Variants in GSE1 observed in about 807,000 individuals in gnomAD.
GSE1 encodes the protein genetic suppressor element 1.
GSE1 carries 32 observed loss-of-function variants against 112.6 expected under a neutral mutation model. The ratio of observed to expected loss-of-function variants is 0.28; its 90% CI spans 0.21 to 0.38. GSE1 has a LOEUF of 0.38. Among genes scored for constraint, GSE1 ranks in the 10% least tolerant of loss-of-function variants. GSE1 has a pLI of 1.00. For synonymous variants in GSE1, 1,115 were observed against 735.6 expected (o/e 1.52, Z -8.35); for missense variants, 2,348 against 1,699.2 (o/e 1.38, Z -6.71).
At chr16:85,283,356 G>A (rs971045070) in intron 1 of GSE1, 1 of 152,802 alleles carries the variant, frequency 6.5e-6, no homozygotes, top group Non-Finnish European at 1.5e-5. Context: ...CGGAGAGTGG[G>A]TGCCAACCCC....
Position 85,628,511 on chromosome 16 carries a change from T to C in GSE1, c.8-5403T>C, listed in dbSNP as rs1225695034. Among the ~76,000 whole-genome samples the C allele has an allele frequency of 2.0e-5, 3 of 151,780 alleles. No homozygotes were observed. The East Asian group carries it at 5.8e-4, about 30-fold the overall frequency. ...ACTGAGGTAGCCTCAGACCCAGGCATTGGAGGGAGCAGGCAGAGGGCCTCC... is the reference window on the plus strand; with the variant it reads ...ACTGAGGTAGCCTCAGACCCAGGCACTGGAGGGAGCAGGCAGAGGGCCTCC... On this transcript the variant is annotated intron_variant, in intron 1 of 15. Coordinates refer to ENST00000253458, the MANE Select transcript of GSE1 (RefSeq NM_014615.5).
chr16:85,471,189 C>G (rs919142654), intron 2 of GSE1, among the ~76,000 whole-genome samples: 1 of 152,216 alleles, frequency 6.6e-6, no homozygotes, highest in African/African-American at 2.4e-5. Context: ...CCCTGCTGCC[C>G]TGAAGAAGAG....
upstream of GSE1, among the ~76,000 whole-genome samples, chr16:85,552,820 CT>C (rs2044992985): frequency 6.6e-6 from 1 of 152,248 alleles, no homozygotes; most frequent in South Asian, 2.1e-4. Flanking sequence ...GCACCCCTCC[CT>C]CTGTACCATG....
In GSE1 at chr16:85,633,956, C is replaced by T; in HGVS notation, c.50C>T (p.Ser17Phe). 1 of 1,613,104 alleles carries T rather than the reference C, an allele frequency of 6.2e-7. No individual in the cohort carries two copies. The highest frequency in any genetic ancestry group is 1.7e-5 in the Admixed American group (1 of 59,970). Residue 17 changes from serine to phenylalanine, a missense_variant, in exon 2 of 16, where the codon TCC becomes TTC. Transcript: ENST00000253458. Reference protein sequence around the residue: ...EPKSPSLGMLSTATRTTATVN... With the variant: ...EPKSPSLGMLFTATRTTATVN... ...AAGTCCCCTTCGCTAGGGATGCTTT[C>T]CACCGCGACCAGGACCACCGCCACC...
intron 1 of GSE1, among the ~76,000 whole-genome samples, chr16:85,174,906 C>T (rs928836318): frequency 6.6e-6 from 1 of 152,152 alleles, no homozygotes; most frequent in African/African-American, 2.4e-5. Context: ...TCCTCACGTG[C>T]ATCTTCCCAT....
intron 1 of GSE1, among the ~76,000 whole-genome samples, chr16:85,350,160 G>A (rs142434639): frequency 1.7e-3 from 256 of 152,302 alleles, no homozygotes; most frequent in Non-Finnish European, 2.9e-3. Context: ...AGGTACTCGG[G>A]ACAAGTAAGG....
chr16:85,671,920 G>C (rs537996926), intron 15 of GSE1: 2 of 161,516 alleles, frequency 1.2e-5, no homozygotes, highest in Non-Finnish European at 2.7e-5. Context: ...CAAGAACTCC[G>C]AGTTTGAGCC....
At chr16:85,178,510 T>C (rs549284684) in intron 1 of GSE1, among the ~76,000 whole-genome samples, 5 of 152,132 alleles carry the variant, frequency 3.3e-5, no homozygotes, top group African/African-American at 1.2e-4. Flanking sequence ...AATCAGGATC[T>C]CTGAGGGGTG....
rs552183106 is a variant in GSE1, at chr16:85,359,659, C to A, written c.2464+2016C>A. On this transcript the variant is annotated intron_variant, in intron 2 of 2. Transcript: ENST00000637419. Reference sequence around the variant, plus strand: ...CTCATGTTGGGACACATGTCCTCCTCCATCAGTGAAACAGTGTCCTGCAGG... The same window carrying A: ...CTCATGTTGGGACACATGTCCTCCTACATCAGTGAAACAGTGTCCTGCAGG... 6.6e-5 allele frequency among the ~76,000 whole-genome samples: 10 copies of A among 152,338 alleles called. No individual in the cohort carries two copies. In the East Asian group the frequency reaches 1.9e-3, roughly 29 times the overall value.
chr16:85,656,287 G>A, intron 6 of GSE1, 56 bp from the exon 7 acceptor site: 3 of 1,593,992 alleles, frequency 1.9e-6, no homozygotes, highest in East Asian at 2.2e-5. Context: ...GCCTGCCCCA[G>A]GTCCGTCTCT....
chr16:85,506,206 G>A (rs2051530569), intron 2 of GSE1, among the ~76,000 whole-genome samples: 1 of 152,274 alleles, frequency 6.6e-6, no homozygotes, highest in Admixed American at 6.5e-5. Flanking sequence ...TGTGTGGTGC[G>A]TCCCTGACGG....
chr16:85,203,602 G>A (rs1030639898), intron 1 of GSE1, among the ~76,000 whole-genome samples: 1 of 152,196 alleles, frequency 6.6e-6, no homozygotes, highest in African/African-American at 2.4e-5. Flanking sequence ...CCACTCTACA[G>A]ATAGGCAGCC....
At chr16:85,354,645 C>G (rs1317754694) in intron 1 of GSE1, among the ~76,000 whole-genome samples, 1 of 152,246 alleles carries the variant, frequency 6.6e-6, no homozygotes, top group Non-Finnish European at 1.5e-5. Flanking sequence ...TGGGGCATGG[C>G]ACAGCCCTCC....
chr16:85,348,911 G>T (rs1000545326), intron 1 of GSE1, among the ~76,000 whole-genome samples: 9 of 151,392 alleles, frequency 5.9e-5, no homozygotes, highest in Non-Finnish European at 1.3e-4. Flanking sequence ...GTCTGATCCT[G>T]ACCCCCCAGC....
rs753767802 is a variant in GSE1, at chr16:85,633,958, A to G, written c.52A>G (p.Thr18Ala). ...GTCCCCTTCGCTAGGGATGCTTTCC[A>G]CCGCGACCAGGACCACCGCCACCGT... is the stretch of plus-strand genomic sequence containing the variant. ...PKSPSLGMLS[T>A]ATRTTATVNP... The change falls in exon 2 of 16, where the codon ACC becomes GCC. Residue 18 changes from threonine to alanine, a missense_variant. Physicochemically the swap from Thr to Ala is moderately conservative, Grantham distance 58. Transcript: ENST00000253458. 6.2e-6 allele frequency: 10 copies of G among 1,612,536 alleles called. No homozygotes were observed. The South Asian group carries it at 8.8e-5, about 14-fold the overall frequency.
At chr16:85,514,679 C>T (rs963538117) in intron 2 of GSE1, among the ~76,000 whole-genome samples, 2 of 152,194 alleles carry the variant, frequency 1.3e-5, no homozygotes, top group Non-Finnish European at 2.9e-5. Flanking sequence ...TGCCAGAAAC[C>T]TCTCATTCCA....
intron 8 of GSE1, 144 bp from the exon 9 acceptor site, chr16:85,661,002 T>C (rs2052383133): frequency 1.5e-6 from 1 of 649,582 alleles, no homozygotes; most frequent in Non-Finnish European, 2.7e-6. Flanking sequence ...GGAGTGTGTG[T>C]CCCCTCCCTG....
intron 1 of GSE1, among the ~76,000 whole-genome samples, chr16:85,319,301 G>C (rs1173420819): frequency 6.6e-6 from 1 of 152,192 alleles, no homozygotes; most frequent in Non-Finnish European, 1.5e-5. Context: ...GCACTGGGTG[G>C]GACAGTGTAG....
intron 1 of GSE1, among the ~76,000 whole-genome samples, chr16:85,602,351 T>C (rs2047503534): frequency 6.6e-6 from 1 of 152,110 alleles, no homozygotes; most frequent in African/African-American, 2.4e-5. Context: ...TCGAAGGCTT[T>C]TAACATGTGG....
Sources: allele counts gnomAD v4.1 joint callset (sites outside exome capture counted in the v4.1 genomes callset), GRCh38; gene constraint gnomAD v4.1.1; transcripts MANE v1.5; gene names NCBI Gene and HGNC (gene_info 2026-07-23, HGNC 2026-07-21).